The following SCAP variants were observed in gnomAD, a reference collection of about 807,000 sequenced individuals.
SCAP encodes the protein SREBF chaperone, also known as sterol regulatory element-binding protein cleavage-activating protein.
In SCAP, 65 loss-of-function variants were observed where a neutral mutation model predicts 123.6. The ratio of observed to expected loss-of-function variants is 0.53; its 90% CI spans 0.43 to 0.65. The LOEUF (loss-of-function observed/expected upper bound fraction) is 0.65. Among genes scored for constraint, SCAP ranks in the 30% least tolerant of loss-of-function variants. SCAP has a pLI of 0.00. For synonymous variants in SCAP, 740 were observed against 726.3 expected (o/e 1.02, Z -0.30); for missense variants, 1,398 against 1,712.5 (o/e 0.82, Z 3.24).
intron 3 of SCAP, among the ~76,000 whole-genome samples, chr3:47,431,971 A>T (rs1706376055): frequency 6.6e-6 from 1 of 152,146 alleles, no homozygotes; most frequent in South Asian, 2.1e-4. Context: ...ACTCACAGAG[A>T]ATTATTTTAT....
chr3:47,454,324 C>T (rs1194641397), intron 1 of SCAP, among the ~76,000 whole-genome samples: 1 of 151,094 alleles, frequency 6.6e-6, no homozygotes, highest in Non-Finnish European at 1.5e-5. Flanking sequence ...GCAGAGATCA[C>T]GCCACTGCAC....
chr3:47,475,837 C>T lies in SCAP; in HGVS notation c.-137G>A, dbSNP rs543934912. 19 of 161,086 alleles carry T rather than the reference C, an allele frequency of 1.2e-4. No homozygotes were observed. Among genetic ancestry groups the T allele is most frequent in the African/African-American group, 7.2e-5 (3 of 41,620 alleles). The allele number at this position is 161,086 out of a possible 1,614,324, so 10.0% of individuals were successfully genotyped here. A position where few individuals can be genotyped will look rare whatever the true frequency, so the allele number is the denominator to read the frequency against. On this transcript the variant is annotated 5_prime_UTR_variant, in exon 1 of 23. Coordinates refer to ENST00000265565, the MANE Select transcript of SCAP (RefSeq NM_012235.4). Reference sequence around the variant, plus strand: ...ACCTCCCAAGCTGCGGCGGCGGCGGCGGCGGCGACGGGGGCGGCAGCAGGG... The same window carrying T: ...ACCTCCCAAGCTGCGGCGGCGGCGGTGGCGGCGACGGGGGCGGCAGCAGGG...
chr3:47,454,118 A>G (rs1473215474), intron 1 of SCAP, among the ~76,000 whole-genome samples: 1 of 152,220 alleles, frequency 6.6e-6, no homozygotes, highest in African/African-American at 2.4e-5. Context: ...CTGTAATCCC[A>G]GCACTTTGGG....
intron 3 of SCAP, 93 bp from the exon 4 acceptor site, chr3:47,428,763 C>T (rs994917607): frequency 1.7e-5 from 23 of 1,379,334 alleles, no homozygotes; most frequent in South Asian, 5.4e-5. Flanking sequence ...CATTGGAAAC[C>T]GTGCCCCACA....
chr3:47,456,067 G>A (rs1707413931), intron 1 of SCAP, among the ~76,000 whole-genome samples: 1 of 152,172 alleles, frequency 6.6e-6, no homozygotes, highest in African/African-American at 2.4e-5. Context: ...CAACAAATGG[G>A]TAGCCACGGA....
At chr3:47,455,062 C>G (rs1264665123) in intron 1 of SCAP, among the ~76,000 whole-genome samples, 1 of 127,990 alleles carries the variant, frequency 7.8e-6, no homozygotes, top group Non-Finnish European at 1.7e-5. Flanking sequence ...AAAAAAATTA[C>G]ATATATATAT....
At chr3:47,465,168 CT>C (rs796601479) in intron 1 of SCAP, among the ~76,000 whole-genome samples, 63 of 145,790 alleles carry the variant, frequency 4.3e-4, no homozygotes, top group East Asian at 6.0e-4. Flanking sequence ...AGATGATATT[CT>C]TTTTTTTTTT....
rs551541348 is a variant in SCAP at position 47,456,729 on chromosome 3, C to T, written c.-98-13638G>A. 9.9e-5 allele frequency among the ~76,000 whole-genome samples: 15 copies of T among 151,930 alleles called. No individual in the cohort carries two copies. The South Asian group carries it at 2.1e-3, about 21-fold the overall frequency. On this transcript the variant is annotated intron_variant, in intron 1 of 22. Coordinates refer to ENST00000265565, the MANE Select transcript of SCAP (RefSeq NM_012235.4). ...GCAGTGAGCCGAGATCATCCGAGATCGTGTGAGATCGTGCCACTGTACTCT... is the reference window on the plus strand; with the variant it reads ...GCAGTGAGCCGAGATCATCCGAGATTGTGTGAGATCGTGCCACTGTACTCT...
intron 3 of SCAP, among the ~76,000 whole-genome samples, chr3:47,432,344 G>C (rs1394893072): frequency 1.4e-5 from 2 of 146,440 alleles, no homozygotes. Flanking sequence ...AAAAGAAAAA[G>C]GAAAAAAAAA....
At chr3:47,469,999 T>G (rs1559573779) in intron 1 of SCAP, 1 of 328,852 alleles carries the variant, frequency 3.0e-6, no homozygotes, top group Non-Finnish European at 6.1e-6. Flanking sequence ...AACCAAGGCA[T>G]TCGAACAAAA....
In SCAP at chr3:47,418,778, C is replaced by G; in HGVS notation, c.2006G>C (p.Gly669Ala). 6.4e-7 allele frequency: 1 copy of G among 1,565,560 alleles called. No homozygotes were observed. ...ACTGCGGCCGTCCTGAGGGTGCCGG[C>G]CCTCCAGAGCCTCCCTCGGGTTCAG... is the stretch of plus-strand genomic sequence containing the variant. ...LRLNPREALEGRHPQDGRSAW... is the reference protein window; with the variant it reads ...LRLNPREALEARHPQDGRSAW... The change falls in exon 14 of 23, where the codon GGC (glycine) becomes GCC (alanine). Residue 669 changes from glycine (G) to alanine (A), a missense_variant. By Grantham distance (60) the Gly-to-Ala change is moderately conservative. Coordinates refer to ENST00000265565, the MANE Select transcript of SCAP (RefSeq NM_012235.4).
chr3:47,470,997 G>A (rs184811646), intron 1 of SCAP, among the ~76,000 whole-genome samples: 1 of 152,120 alleles, frequency 6.6e-6, no homozygotes, highest in East Asian at 1.9e-4. Context: ...AAAGGATATA[G>A]ATGAAACAAG....
chr3:47,464,483 C>T (rs917203272), intron 1 of SCAP, among the ~76,000 whole-genome samples: 1 of 151,926 alleles, frequency 6.6e-6, no homozygotes, highest in African/African-American at 2.4e-5. Context: ...TAATATGCCA[C>T]ATTACTAGAA....
At chr3:47,430,666 G>A (rs1423399747) in intron 3 of SCAP, among the ~76,000 whole-genome samples, 1 of 152,226 alleles carries the variant, frequency 6.6e-6, no homozygotes, top group South Asian at 2.1e-4. Flanking sequence ...TGTCTCTGAG[G>A]TGAAGGGGCA....
intron 20 of SCAP, 72 bp from the exon 21 acceptor site, chr3:47,414,724 T>C: frequency 6.2e-7 from 1 of 1,610,302 alleles, no homozygotes; most frequent in East Asian, 2.2e-5. Context: ...GGAAATGCCC[T>C]CTGTTCTTCA....
At chr3:47,458,026 G>A (rs769171650) in intron 1 of SCAP, among the ~76,000 whole-genome samples, 4 of 152,188 alleles carry the variant, frequency 2.6e-5, no homozygotes, top group African/African-American at 4.8e-5. Flanking sequence ...GGTGGCTCAC[G>A]CCTGTAATCC....
At chr3:47,424,780 G>A (rs574504590) in intron 8 of SCAP, among the ~76,000 whole-genome samples, 2 of 152,252 alleles carry the variant, frequency 1.3e-5, no homozygotes, top group South Asian at 2.1e-4. Flanking sequence ...ATACGACGTC[G>A]CTTTTCATAC....
intron 1 of SCAP, chr3:47,469,698 TG>T: frequency 3.3e-6 from 1 of 303,576 alleles, no homozygotes; most frequent in South Asian, 3.0e-5. Context: ...GAGGCTTGCC[TG>T]CCACCATGTA....
chr3:47,467,781 T>C (rs1428061691), intron 1 of SCAP, among the ~76,000 whole-genome samples: 1 of 151,988 alleles, frequency 6.6e-6, no homozygotes, highest in African/African-American at 2.4e-5. Flanking sequence ...AACATACAGG[T>C]TTGTTACATA....
Sources: gnomAD v4.1 joint callset for allele counts (sites outside exome capture counted in the v4.1 genomes callset) on GRCh38, gnomAD v4.1.1 for gene constraint, MANE v1.5 for transcripts, NCBI Gene and HGNC (gene_info 2026-07-23, HGNC 2026-07-21) for gene names.